Variants in CD226 observed in about 807,000 individuals in gnomAD.
CD226 encodes CD226 antigen.
In CD226, 24 loss-of-function variants were observed where a neutral mutation model predicts 34.9. The ratio of observed to expected loss-of-function variants is 0.69; its 90% CI spans 0.50 to 0.97. The LOEUF is 0.97. Ranked by LOEUF, CD226 falls within the 50% of genes least tolerant of loss-of-function variation. The probability of loss-of-function intolerance (pLI) is 0.00; values close to 1 mark genes in which losing one functional copy is unlikely to be tolerated. For synonymous variants in CD226, 148 were observed against 147.4 expected (o/e 1.00, Z -0.03); for missense variants, 397 against 412.7 (o/e 0.96, Z 0.33).
At chr18:69,949,375 C>T (rs113675756), upstream of CD226, among the ~76,000 whole-genome samples, 1,031 of 152,280 alleles carry the variant, frequency 6.8e-3, 4 homozygotes, top group Middle Eastern at 0.01. Context: ...CATGGAAGAC[C>T]TCCATCAGAA....
At chr18:69,926,009 G>T (rs1212340224) in intron 2 of CD226, among the ~76,000 whole-genome samples, 1 of 152,050 alleles carries the variant, frequency 6.6e-6, no homozygotes, top group Non-Finnish European at 1.5e-5. Context: ...CAGGTGTGAG[G>T]GCGCACAACT....
intron 3 of CD226, among the ~76,000 whole-genome samples, chr18:69,895,239 G>A (rs933922167): frequency 5.3e-5 from 8 of 152,166 alleles, no homozygotes; most frequent in Admixed American, 4.6e-4. Context: ...ACTGGCAACC[G>A]CATTCTCAAA....
chr18:69,935,621 C>A (rs903780154), intron 2 of CD226, among the ~76,000 whole-genome samples: 11 of 152,166 alleles, frequency 7.2e-5, no homozygotes, highest in African/African-American at 2.7e-4. Flanking sequence ...TGGTTGGCAG[C>A]CGCCTTCAGT....
In CD226 at chr18:69,858,215, T is replaced by C. The variant is rs1330576192; in HGVS notation, c.*6099A>G. ...TTATTTTAAAACAATCTTGGATATATTTAGTTACATCTGGAATAAACTCAG... is the reference window on the plus strand; with the variant it reads ...TTATTTTAAAACAATCTTGGATATACTTAGTTACATCTGGAATAAACTCAG... On this transcript the variant is annotated 3_prime_UTR_variant, in exon 6 of 6. Transcript: ENST00000582621. 1 of 152,196 alleles carries C rather than the reference T, an allele frequency of 6.6e-6. No homozygotes were observed. Among genetic ancestry groups the C allele is most frequent in the Non-Finnish European group, 1.5e-5 (1 of 68,030 alleles). The allele number at this position is 152,196 out of a possible 1,614,324, so 9.4% of individuals were successfully genotyped here.
At chr18:69,873,360 T>A in intron 3 of CD226, 114 bp from the exon 4 acceptor site, 3 of 591,822 alleles carry the variant, frequency 5.1e-6, no homozygotes, top group Middle Eastern at 4.2e-4. Context: ...AAACAAAGAA[T>A]CCAACAAAAA....
At chr18:69,959,600 T>C (rs1488288177), upstream of CD226, among the ~76,000 whole-genome samples, 1 of 151,786 alleles carries the variant, frequency 6.6e-6, no homozygotes, top group Non-Finnish European at 1.5e-5. Context: ...GTGACCCGAG[T>C]TTCTCTTTAT....
At chr18:69,878,549 G>A (rs184558579) in intron 3 of CD226, among the ~76,000 whole-genome samples, 1 of 152,090 alleles carries the variant, frequency 6.6e-6, no homozygotes, top group African/African-American at 2.4e-5. Flanking sequence ...TGGAGTTAGG[G>A]AGTGAAGAAA....
At chr18:69,908,607 A>C (rs1269722024) in intron 2 of CD226, among the ~76,000 whole-genome samples, 1 of 143,304 alleles carries the variant, frequency 7.0e-6, no homozygotes, top group Non-Finnish European at 1.5e-5. Context: ...AATGAACTCT[A>C]ATTGTAGCCC....
chr18:69,900,568 T>TA (rs1347217316), intron 2 of CD226, among the ~76,000 whole-genome samples: 7 of 151,356 alleles, frequency 4.6e-5, no homozygotes, highest in Non-Finnish European at 8.8e-5. Flanking sequence ...CCGTCTCTAC[T>TA]AAAAATACAA....
chr18:69,946,180 C>CAAAAAAAAAAA (rs60750165), intron 2 of CD226, among the ~76,000 whole-genome samples: 2 of 66,394 alleles, frequency 3.0e-5, no homozygotes, highest in South Asian at 9.4e-4. Context: ...AAGACTCCAT[C>CAAAAAAAAAAA]AAAAAAAAAA....
At chr18:69,929,884 C>T (rs1351110964) in intron 2 of CD226, among the ~76,000 whole-genome samples, 2 of 152,166 alleles carry the variant, frequency 1.3e-5, no homozygotes, top group Non-Finnish European at 2.9e-5. Flanking sequence ...TTCTCAATTT[C>T]TCTCTCTGTC....
At chr18:69,875,672 G>T (rs1250448368) in intron 3 of CD226, among the ~76,000 whole-genome samples, 1 of 152,168 alleles carries the variant, frequency 6.6e-6, no homozygotes, top group Non-Finnish European at 1.5e-5. Flanking sequence ...ATACCTATTG[G>T]CCAGTGTTAT....
chr18:69,908,394 T>C (rs939171457), intron 2 of CD226, among the ~76,000 whole-genome samples: 1 of 152,232 alleles, frequency 6.6e-6, no homozygotes, highest in South Asian at 2.1e-4. Context: ...CTTGTACATA[T>C]TGGATGATTA....
intron 2 of CD226, among the ~76,000 whole-genome samples, chr18:69,910,359 TATG>T (rs775105928): frequency 7.9e-5 from 12 of 152,174 alleles, no homozygotes; most frequent in Non-Finnish European, 1.8e-4. Context: ...TACCCCTTGA[TATG>T]ATGTGATGAG....
At chr18:69,907,276 C>A (rs1199741893) in intron 2 of CD226, among the ~76,000 whole-genome samples, 3 of 152,202 alleles carry the variant, frequency 2.0e-5, no homozygotes, top group African/African-American at 4.8e-5. Flanking sequence ...AGCCTAGAAT[C>A]TAAATTTCCA....
In CD226 at chr18:69,910,886, T is replaced by C. The variant is rs538426352; in HGVS notation, c.383-14841A>G. Among the ~76,000 whole-genome samples the C allele has an allele frequency of 2.0e-5, 3 of 152,174 alleles. No individual in the cohort carries two copies. In the East Asian group the frequency reaches 5.8e-4, roughly 29 times the overall value. On this transcript the variant is annotated intron_variant, in intron 2 of 5. Coordinates refer to ENST00000582621, the MANE Select transcript of CD226 (RefSeq NM_001303618.2). The stretch of plus-strand genomic sequence containing the variant: ...TAAAAGAAAAGAAACACAAGACAGA[T>C]GGTAGAGCAGAAGGAATGTTTTTGC...
rs1304827516 is a variant in CD226, at chr18:69,859,555, T to C, written c.*4759A>G. On this transcript the variant is annotated 3_prime_UTR_variant, in exon 6 of 6. Coordinates refer to ENST00000582621, the MANE Select transcript of CD226 (RefSeq NM_001303618.2). The stretch of plus-strand genomic sequence containing the variant: ...GGGGAGAGAAAGACATCTAAATGAA[T>C]AATGAATGTCTAAAATTGAAAAAAA... 7.1e-6 allele frequency: 1 copy of C among 141,332 alleles called. No homozygotes were observed. Among genetic ancestry groups the C allele is most frequent in the Admixed American group, 7.7e-5 (1 of 13,052 alleles). 8.8% of individuals were successfully genotyped at this position (141,332 alleles called of 1,614,324 possible).
chr18:69,894,894 G>A (rs1985175431), intron 3 of CD226, among the ~76,000 whole-genome samples: 2 of 151,856 alleles, frequency 1.3e-5, no homozygotes, highest in South Asian at 4.2e-4. Context: ...TCTAGGTTTT[G>A]CAGGTCCTGA....
intron 3 of CD226, among the ~76,000 whole-genome samples, chr18:69,880,604 C>G (rs1391214377): frequency 6.7e-6 from 1 of 148,198 alleles, no homozygotes; most frequent in Non-Finnish European, 1.5e-5. Flanking sequence ...AGTTGTTGGT[C>G]AAAGAGTACA....
Sources: gnomAD v4.1 joint callset for allele counts (sites outside exome capture counted in the v4.1 genomes callset) on GRCh38, gnomAD v4.1.1 for gene constraint, MANE v1.5 for transcripts, NCBI Gene and HGNC (gene_info 2026-07-23, HGNC 2026-07-21) for gene names.